PALLD: variants seen among roughly 807,000 people sequenced by gnomAD.
PALLD encodes the protein palladin, cytoskeletal associated protein.
Under a neutral mutation model 123.5 loss-of-function variants are expected in PALLD, and 61 were observed. The observed-to-expected ratio is 0.49, with a 90% CI of 0.40 to 0.61. The LOEUF (loss-of-function observed/expected upper bound fraction) is 0.61. Ranked by LOEUF, PALLD falls within the 20% of genes least tolerant of loss-of-function variation. PALLD has a pLI of 0.00. For missense variants in PALLD, 1,273 were observed against 1,377.0 expected, an observed-to-expected ratio of 0.92 and a Z score of 1.20; for synonymous variants, 465 against 496.4, an observed-to-expected ratio of 0.94 and a Z score of 0.84.
intron 10 of PALLD, among the ~76,000 whole-genome samples, chr4:168,835,409 A>C (rs140873632): frequency 6.6e-6 from 1 of 152,312 alleles, no homozygotes; most frequent in East Asian, 1.9e-4. Context: ...GTATTGGCTC[A>C]TTCTAGCAAT....
At chr4:168,924,228 T>TA (rs745438422) in intron 18 of PALLD, 27 bp from the exon 19 acceptor site, 1 of 1,600,334 alleles carries the variant, frequency 6.2e-7, no homozygotes. Flanking sequence ...ATATCATTGA[T>TA]AGAGAATTCA....
rs1581445958 is a variant in PALLD at position 168,783,052 on chromosome 4, G to A, written c.1964+71129G>A. Among the ~76,000 whole-genome samples, 7 of 75,850 alleles carry A rather than the reference G, an allele frequency of 9.2e-5. No homozygotes were observed. The South Asian group carries it at 2.4e-3, about 26-fold the overall frequency. 49.8% of individuals were successfully genotyped at this position (75,850 alleles called of 152,430 possible). A position where few individuals can be genotyped will look rare whatever the true frequency, so the allele number is the denominator to read the frequency against. ...TCACAAATTTTATATATATATGTGTGTGTGTGTGTGTGTGTGTGTGTGTGT... is the reference window on the plus strand; with the variant it reads ...TCACAAATTTTATATATATATGTGTATGTGTGTGTGTGTGTGTGTGTGTGT... On this transcript the variant is annotated intron_variant, in intron 10 of 21. Coordinates refer to ENST00000505667, the MANE Select transcript of PALLD (RefSeq NM_001166108.2).
chr4:168,686,079 C>T (rs1269562183), intron 6 of PALLD, among the ~76,000 whole-genome samples: 1 of 151,866 alleles, frequency 6.6e-6, no homozygotes, highest in African/African-American at 2.4e-5. Flanking sequence ...TTTTAAAAGG[C>T]CCAAATAAAT....
intron 6 of PALLD, among the ~76,000 whole-genome samples, chr4:168,688,023 A>G (rs974543724): frequency 2.6e-5 from 4 of 152,202 alleles, no homozygotes; most frequent in Non-Finnish European, 5.9e-5. Context: ...TCTCTTCTGC[A>G]GGGCTGTTCC....
chr4:168,897,966 T>A (rs1581989060), intron 13 of PALLD: 1 of 111,606 alleles, frequency 9.0e-6, no homozygotes, highest in African/African-American at 3.4e-5. Context: ...AAAACAAACA[T>A]TTTTTTTTTT....
intron 17 of PALLD, among the ~76,000 whole-genome samples, chr4:168,917,445 G>A (rs530462617): frequency 5.3e-5 from 8 of 152,258 alleles, no homozygotes; most frequent in Admixed American, 3.3e-4. Flanking sequence ...GTAAGATAAC[G>A]TTCATCCATT....
rs186395640 is a variant in PALLD, at chr4:168,620,025, C to T, written c.909-48165C>T. Among the ~76,000 whole-genome samples, 819 of 147,182 alleles carry T rather than the reference C, an allele frequency of 5.6e-3. 5 individuals are homozygous for T. The highest frequency in any genetic ancestry group is 0.019 in the African/African-American group (721 of 38,932). On this transcript the variant is annotated intron_variant, in intron 2 of 21. Coordinates refer to ENST00000505667, the MANE Select transcript of PALLD (RefSeq NM_001166108.2). ...TAAATGTTTAAGACTAGTGGGCAAA[C>T]GCACAACCTGCTGACATGGAACAGA...
chr4:168,751,687 G>GGTTA (rs1471988051), intron 10 of PALLD, among the ~76,000 whole-genome samples: 1 of 152,222 alleles, frequency 6.6e-6, no homozygotes, highest in Non-Finnish European at 1.5e-5. Flanking sequence ...ATCTCCAGGA[G>GGTTA]GTTAGCATGC....
intron 2 of PALLD, among the ~76,000 whole-genome samples, chr4:168,558,631 T>C (rs1475248420): frequency 1.3e-5 from 2 of 152,348 alleles, no homozygotes; most frequent in East Asian, 3.9e-4. Flanking sequence ...TTTTAATTCC[T>C]TTCTTTGAAA....
intron 10 of PALLD, among the ~76,000 whole-genome samples, chr4:168,730,531 C>T (rs767718549): frequency 4.6e-5 from 7 of 151,808 alleles, no homozygotes; most frequent in Non-Finnish European, 1.0e-4. Flanking sequence ...ATTTCATGTT[C>T]GAGGCTTTCC....
At chr4:168,762,944 A>T (rs1468689785) in intron 10 of PALLD, among the ~76,000 whole-genome samples, 2 of 152,172 alleles carry the variant, frequency 1.3e-5, no homozygotes, top group East Asian at 1.9e-4. Context: ...CAAACACCAC[A>T]TGTTCTCACT....
chr4:168,732,803 T>G, intron 10 of PALLD, among the ~76,000 whole-genome samples: 1 of 152,184 alleles, frequency 6.6e-6, no homozygotes, highest in East Asian at 1.9e-4. Context: ...TACAATCCGA[T>G]AGTCTATTCC....
chr4:168,685,810 G>GAAAAAAAAAAAAA (rs70961550), intron 6 of PALLD, among the ~76,000 whole-genome samples: 13 of 65,658 alleles, frequency 2.0e-4, no homozygotes, highest in Non-Finnish European at 2.3e-4. Flanking sequence ...AAGACAGATA[G>GAAAAAAAAAAAAA]AAAAAAAAAA....
chr4:168,639,572 C>T (rs1319985359), intron 2 of PALLD, among the ~76,000 whole-genome samples: 4 of 146,636 alleles, frequency 2.7e-5, no homozygotes, highest in African/African-American at 1.0e-4. Context: ...GAGACGGAGT[C>T]TTGCTCTGTC....
At chr4:168,652,956 T>C (rs1198380136) in intron 2 of PALLD, among the ~76,000 whole-genome samples, 2 of 152,204 alleles carry the variant, frequency 1.3e-5, no homozygotes, top group African/African-American at 4.8e-5. Context: ...ATTAGATGAT[T>C]TGTCCCACTT....
intron 2 of PALLD, among the ~76,000 whole-genome samples, chr4:168,554,125 A>T (rs748078558): frequency 3.3e-5 from 5 of 152,168 alleles, no homozygotes; most frequent in African/African-American, 1.2e-4. Flanking sequence ...CGGCTTGTAC[A>T]TGAAGCCCGG....
chr4:168,585,684 C>T (rs1383812260), intron 2 of PALLD, among the ~76,000 whole-genome samples: 2 of 152,102 alleles, frequency 1.3e-5, no homozygotes, highest in Non-Finnish European at 2.9e-5. Context: ...AGCAGCCTGT[C>T]GTTTTCGGAG....
chr4:168,546,442 G>T (rs1476456552), intron 2 of PALLD, among the ~76,000 whole-genome samples: 1 of 152,034 alleles, frequency 6.6e-6, no homozygotes, highest in Non-Finnish European at 1.5e-5. Context: ...ATCTTTGTGT[G>T]AGTGAAATTC....
chr4:168,588,067 G>A (rs144313095), intron 2 of PALLD, among the ~76,000 whole-genome samples: 1 of 152,194 alleles, frequency 6.6e-6, no homozygotes, highest in Non-Finnish European at 1.5e-5. Flanking sequence ...TCTTGGATCT[G>A]GGTCAGTCTC....
Sources: allele counts gnomAD v4.1 joint callset (sites outside exome capture counted in the v4.1 genomes callset), GRCh38; gene constraint gnomAD v4.1.1; transcripts MANE v1.5; gene names NCBI Gene and HGNC (gene_info 2026-07-23, HGNC 2026-07-21).